PLCG2: variants seen among roughly 807,000 people sequenced by gnomAD.
The protein encoded by PLCG2 is 1-phosphatidylinositol 4,5-bisphosphate phosphodiesterase gamma-2.
A neutral mutation model predicts 175.6 loss-of-function variants in PLCG2; 69 were observed. The ratio of observed to expected loss-of-function variants is 0.39; its 90% confidence interval spans 0.32 to 0.48. The LOEUF is 0.48. Ranked by LOEUF, PLCG2 falls within the 20% of genes least tolerant of loss-of-function variation. The pLI, the probability that PLCG2 is intolerant of heterozygous loss-of-function variation, is 0.91. For synonymous variants in PLCG2, 827 were observed against 624.0 expected (o/e 1.33, Z -4.85); for missense variants, 1,798 against 1,650.9 (o/e 1.09, Z -1.54).
intron 9 of PLCG2, among the ~76,000 whole-genome samples, chr16:81,884,406 G>C (rs1204157517): frequency 6.6e-6 from 1 of 151,790 alleles, no homozygotes; most frequent in East Asian, 1.9e-4. Context: ...AGTCAAAGAA[G>C]TATTCAGCAC....
chr16:81,764,443 G>GGATGT (rs1324421530), intron 2 of PLCG2, among the ~76,000 whole-genome samples: 3 of 152,178 alleles, frequency 2.0e-5, no homozygotes, highest in Admixed American at 2.0e-4. Context: ...AAGAATCAGG[G>GGATGT]GATGTGTCTT....
intron 2 of PLCG2, among the ~76,000 whole-genome samples, chr16:81,789,774 A>C (rs1597319758): frequency 1.3e-5 from 2 of 148,464 alleles, no homozygotes; most frequent in African/African-American, 2.5e-5. Flanking sequence ...CCCTTCCTCC[A>C]CCTTCCCCCT....
intron 4 of PLCG2, 88 bp downstream of exon 4, chr16:81,858,444 A>G (rs909704647): frequency 3.0e-5 from 27 of 898,096 alleles, no homozygotes; most frequent in African/African-American, 2.6e-4. Flanking sequence ...GGGGGAAAAA[A>G]AAAAAAAGGG....
chr16:81,874,317 C>T (rs1907663572), intron 7 of PLCG2, among the ~76,000 whole-genome samples: 1 of 152,180 alleles, frequency 6.6e-6, no homozygotes, highest in Non-Finnish European at 1.5e-5. Flanking sequence ...ATGTTGCTTA[C>T]CTGACCCCAA....
intron 1 of PLCG2, among the ~76,000 whole-genome samples, chr16:81,755,177 T>A (rs1909895990): frequency 6.6e-6 from 1 of 151,960 alleles, no homozygotes; most frequent in Non-Finnish European, 1.5e-5. Flanking sequence ...CCAAGCCTGT[T>A]CCTTTATTTT....
chr16:81,912,597 G>C lies in PLCG2; in HGVS notation c.1935G>C (p.Pro645=), dbSNP rs1189911939. ...VPNPNPHESK[P]WYYDSLSRGE... is the part of the protein sequence containing the mutation. ...CGTTTTCCCTGGCCCTGTGCCGCAG[G>C]TGGTACTATGACAGCCTGAGCCGCG... Residue 645 remains proline (P), a splice_region_variant and synonymous_variant, in exon 19 of 33, where the codon CCG becomes CCC. Coordinates refer to ENST00000564138, the MANE Select transcript of PLCG2 (RefSeq NM_002661.5). 1.2e-6 allele frequency: 2 copies of C among 1,612,996 alleles called. No individual in the cohort carries two copies. Among genetic ancestry groups the C allele is most frequent in the Non-Finnish European group, 1.7e-6 (2 of 1,179,808 alleles).
In PLCG2 at chr16:81,910,384, C is replaced by T. The variant is rs1034438085; in HGVS notation, c.1734-136C>T. The T allele has an allele frequency of 1.2e-5, 9 of 764,016 alleles. No homozygotes were observed. The African/African-American group carries it at 1.4e-4, about 12-fold the overall frequency. 47.3% of individuals were successfully genotyped at this position (764,016 alleles called of 1,614,324 possible). On this transcript the variant is annotated intron_variant, in intron 17 of 32. Coordinates refer to ENST00000564138, the MANE Select transcript of PLCG2 (RefSeq NM_002661.5). ...GGGATTACAGGCATGAGCCACTGCGCCCAGCCTCCTGTGTCTGTTCTAGGA... is the reference window on the plus strand; with the variant it reads ...GGGATTACAGGCATGAGCCACTGCGTCCAGCCTCCTGTGTCTGTTCTAGGA...
In PLCG2 at chr16:81,800,180, A is replaced by C. The variant is rs760280160; in HGVS notation, c.193+13998A>C. ...CTGGCAAATATCCCAAGCACTCTAT[A>C]AGAGCTACTATTGCTATTATTATTG... is the stretch of plus-strand genomic sequence containing the variant. On this transcript the variant is annotated intron_variant, in intron 2 of 32. Coordinates refer to ENST00000564138, the MANE Select transcript of PLCG2 (RefSeq NM_002661.5). Among the ~76,000 whole-genome samples the C allele has an allele frequency of 2.0e-5, 3 of 152,160 alleles. No homozygotes were observed. The South Asian group carries it at 6.2e-4, about 32-fold the overall frequency.
chr16:81,789,896 G>C (rs569915053), intron 2 of PLCG2, among the ~76,000 whole-genome samples: 1 of 143,272 alleles, frequency 7.0e-6, no homozygotes, highest in Non-Finnish European at 1.5e-5. Flanking sequence ...TGTAGGCGCC[G>C]CCCTAGGCGC....
chr16:81,815,858 C>G (rs1037370291), intron 2 of PLCG2, among the ~76,000 whole-genome samples: 2 of 152,038 alleles, frequency 1.3e-5, no homozygotes, highest in Admixed American at 6.5e-5. Context: ...GTCAGGAGTT[C>G]GAGACCAGCC....
chr16:81,883,529 G>T, intron 9 of PLCG2, 188 bp downstream of exon 9: 1 of 604,014 alleles, frequency 1.7e-6, no homozygotes, highest in Non-Finnish European at 3.0e-6. Flanking sequence ...ATTGCTGTCT[G>T]ATGCCACTGA....
intron 2 of PLCG2, among the ~76,000 whole-genome samples, chr16:81,832,670 C>T (rs1203666089): frequency 6.6e-6 from 1 of 152,266 alleles, no homozygotes; most frequent in Non-Finnish European, 1.5e-5. Flanking sequence ...TCCCTTAGTG[C>T]TGGGATTACA....
chr16:81,843,740 C>T lies in PLCG2; in HGVS notation c.194-10704C>T, dbSNP rs112432467. 4.1e-3 allele frequency among the ~76,000 whole-genome samples: 631 copies of T among 152,306 alleles called. 7 individuals carry two copies. The highest frequency in any genetic ancestry group is 0.014 in the Middle Eastern group (4 of 294). On this transcript the variant is annotated intron_variant, in intron 2 of 32. Transcript: ENST00000564138. ...ATGGAAAAAACAATGAAATGATCTG[C>T]TTAAAATACTAAAGATTCATTTAAA...
chr16:81,830,685 C>CAG (rs1905225777), intron 2 of PLCG2, among the ~76,000 whole-genome samples: 1 of 151,172 alleles, frequency 6.6e-6, no homozygotes, highest in South Asian at 2.1e-4. Flanking sequence ...TATATACACA[C>CAG]ATATATTTTA....
At chr16:81,919,773 G>A (rs1210088724) in intron 20 of PLCG2, 109 bp downstream of exon 20, 4 of 833,992 alleles carry the variant, frequency 4.8e-6, no homozygotes, top group Non-Finnish European at 7.7e-6. Flanking sequence ...ATCTGATACT[G>A]CTGTAGGTCC....
intron 2 of PLCG2, among the ~76,000 whole-genome samples, chr16:81,831,735 C>T (rs1905266610): frequency 1.3e-5 from 2 of 152,080 alleles, no homozygotes; most frequent in Non-Finnish European, 2.9e-5. Flanking sequence ...TAATGGGGAC[C>T]CCAGGAGGCT....
Position 81,741,306 on chromosome 16 carries a change from G to C in PLCG2, c.-145+1921G>C, listed in dbSNP as rs564185996. ...AGATGAGGAAACTATAGCTCAGAGA[G>C]GTAAAGTGACTTGTTCAAGCTCACA... On this transcript the variant is annotated intron_variant, in intron 1 of 5. Transcript: ENST00000565054. Among the ~76,000 whole-genome samples the C allele has an allele frequency of 3.9e-5, 6 of 152,330 alleles. No individual in the cohort carries two copies. In the South Asian group the frequency reaches 1.2e-3, roughly 32 times the overall value.
chr16:81,801,681 T>C (rs1298370605), intron 2 of PLCG2, among the ~76,000 whole-genome samples: 1 of 152,164 alleles, frequency 6.6e-6, no homozygotes, highest in African/African-American at 2.4e-5. Context: ...TTTTATTTTC[T>C]TTAATTTTTT....
intron 2 of PLCG2, among the ~76,000 whole-genome samples, chr16:81,849,560 A>G (rs1161244273): frequency 6.6e-6 from 1 of 152,094 alleles, no homozygotes; most frequent in Non-Finnish European, 1.5e-5. Flanking sequence ...GGAGTTCGAG[A>G]CAAGCCTGAC....
Sources: gnomAD v4.1 joint callset for allele counts (sites outside exome capture counted in the v4.1 genomes callset) on GRCh38, gnomAD v4.1.1 for gene constraint, MANE v1.5 for transcripts, NCBI Gene and HGNC (gene_info 2026-07-23, HGNC 2026-07-21) for gene names.